The following RUFY4 variants were observed in gnomAD, a reference collection of about 807,000 sequenced individuals.
The protein encoded by RUFY4 is RUN and FYVE domain containing 4.
A neutral mutation model predicts 69.0 loss-of-function variants in RUFY4; 73 were observed. The observed-to-expected ratio is 1.06, with a 90% CI of 0.88 to 1.29. The LOEUF (loss-of-function observed/expected upper bound fraction) is 1.29. Among genes scored for constraint, RUFY4 ranks in the 50% most tolerant of loss-of-function variants. The pLI is 0.00. For synonymous variants in RUFY4, 287 were observed against 271.8 expected, an observed-to-expected ratio of 1.06 and a Z score of -0.55; for missense variants, 770 against 705.6, an observed-to-expected ratio of 1.09 and a Z score of -1.03.
At chr2:218,038,879 C>T (rs1959019024) in intron 2 of RUFY4, among the ~76,000 whole-genome samples, 1 of 152,142 alleles carries the variant, frequency 6.6e-6, no homozygotes, top group Admixed American at 6.5e-5. Flanking sequence ...CTTTCTTTCT[C>T]TTTGGTAGGA....
At chr2:218,074,969 G>A (rs1393596705) in intron 6 of RUFY4, 124 bp from the exon 9 acceptor site, 2 of 1,058,456 alleles carry the variant, frequency 1.9e-6, no homozygotes, top group African/African-American at 3.2e-5. Context: ...AAAGCTTCCA[G>A]TGAGAGGACC....
chr2:218,048,411 A>G (rs1337621032), intron 2 of RUFY4, among the ~76,000 whole-genome samples: 3 of 151,970 alleles, frequency 2.0e-5, no homozygotes, highest in Admixed American at 2.0e-4. Flanking sequence ...TGATAGTTTC[A>G]TTTGCTGTGC....
intron 9 of RUFY4, among the ~76,000 whole-genome samples, chr2:218,084,676 T>C (rs557359343): frequency 4.6e-5 from 7 of 152,306 alleles, no homozygotes; most frequent in Admixed American, 3.9e-4. Flanking sequence ...AAGTGAAGTA[T>C]TGACCTCATG....
At chr2:218,075,110 A>G in exon 7 of RUFY4, 1 of 1,536,756 alleles carries the variant, frequency 6.5e-7, no homozygotes, top group Non-Finnish European at 8.8e-7. Flanking sequence ...CCGCATATGG[A>G]GGGCCTGAAA....
chr2:218,089,175 C>A, intron 9 of RUFY4, 77 bp from the exon 12 acceptor site: 1 of 1,137,408 alleles, frequency 8.8e-7, no homozygotes, highest in Non-Finnish European at 1.3e-6. Context: ...CTCTGTCTCT[C>A]TGTCTGGGTC....
chr2:218,041,232 G>A (rs1688690290), intron 2 of RUFY4, among the ~76,000 whole-genome samples: 2 of 151,934 alleles, frequency 1.3e-5, no homozygotes, highest in East Asian at 1.9e-4. Flanking sequence ...TTCCAACCTG[G>A]ACAGTGACTC....
chr2:218,077,840 G>A (rs1417114411), intron 8 of RUFY4, among the ~76,000 whole-genome samples: 2 of 152,216 alleles, frequency 1.3e-5, no homozygotes, highest in Admixed American at 1.3e-4. Flanking sequence ...GGTCGCAAAG[G>A]TTTCCACGAT....
chr2:218,082,163 A>G (rs192956080), intron 8 of RUFY4, among the ~76,000 whole-genome samples: 1 of 152,358 alleles, frequency 6.6e-6, no homozygotes, highest in Non-Finnish European at 1.5e-5. Context: ...AAAAAGAAAA[A>G]CCAAGAGTGG....
At chr2:218,041,323 G>A (rs1035726658) in intron 2 of RUFY4, among the ~76,000 whole-genome samples, 1 of 152,120 alleles carries the variant, frequency 6.6e-6, no homozygotes, top group Non-Finnish European at 1.5e-5. Context: ...TCTGTATAAT[G>A]TCTAACTAGG....
intron 2 of RUFY4, among the ~76,000 whole-genome samples, chr2:218,050,701 T>G (rs981245319): frequency 3.3e-5 from 5 of 152,232 alleles, no homozygotes; most frequent in Non-Finnish European, 5.9e-5. Context: ...CAGTGTTATA[T>G]TTGTCTCTGC....
chr2:218,041,641 A>C (rs1195349463), intron 2 of RUFY4, among the ~76,000 whole-genome samples: 1 of 152,068 alleles, frequency 6.6e-6, no homozygotes, highest in Non-Finnish European at 1.5e-5. Flanking sequence ...TATTTGGTCT[A>C]TCCTGTTGGG....
At chr2:218,075,775 C>A (rs748124755) in intron 7 of RUFY4, 35 bp downstream of exon 9, 2 of 1,375,218 alleles carry the variant, frequency 1.5e-6, no homozygotes, top group South Asian at 2.4e-5. Context: ...TGGTTATTTG[C>A]CCCTGTCTGA....
intron 2 of RUFY4, among the ~76,000 whole-genome samples, chr2:218,048,115 C>G (rs987936415): frequency 6.6e-6 from 1 of 152,156 alleles, no homozygotes; most frequent in South Asian, 2.1e-4. Context: ...TGCAACCTTG[C>G]CAGCATCTTT....
exon 1 of RUFY4, chr2:218,070,637 C>T (rs1219801790): frequency 8.5e-6 from 13 of 1,537,462 alleles, no homozygotes; most frequent in Non-Finnish European, 1.1e-5. Flanking sequence ...CTCAAGGTCA[C>T]CAAAGACCTA....
chr2:218,057,323 A>G (rs993540920), intron 2 of RUFY4, among the ~76,000 whole-genome samples: 3 of 152,196 alleles, frequency 2.0e-5, no homozygotes, highest in Non-Finnish European at 4.4e-5. Context: ...TTAGAAATTC[A>G]TCTCTAGATT....
At chr2:218,082,448 GT>G (rs1689782816) in intron 8 of RUFY4, among the ~76,000 whole-genome samples, 1 of 152,124 alleles carries the variant, frequency 6.6e-6, no homozygotes, top group South Asian at 2.1e-4. Context: ...AAATGGAAAT[GT>G]TTAAAAACAA....
chr2:218,072,605 G>A, intron 3 of RUFY4, 106 bp downstream of exon 5: 1 of 1,454,416 alleles, frequency 6.9e-7, no homozygotes, highest in Non-Finnish European at 9.1e-7. Context: ...CACCTGCTCT[G>A]CATGTCTCCT....
chr2:218,087,573 C>A (rs943594824), intron 9 of RUFY4, among the ~76,000 whole-genome samples: 3 of 152,000 alleles, frequency 2.0e-5, no homozygotes, highest in Admixed American at 6.6e-5. Context: ...TCATGCCTGT[C>A]ATCCCAGCAC....
At chr2:218,073,684 AG>A in intron 5 of RUFY4, 131 bp from the exon 8 acceptor site, 1 of 932,660 alleles carries the variant, frequency 1.1e-6, no homozygotes, top group East Asian at 2.7e-5. Context: ...GGGATGCATG[AG>A]GGTGGGTGGG....
Sources: gnomAD v4.1 joint callset for allele counts (sites outside exome capture counted in the v4.1 genomes callset) on GRCh38, gnomAD v4.1.1 for gene constraint, MANE v1.5 for transcripts, NCBI Gene and HGNC (gene_info 2026-07-23, HGNC 2026-07-21) for gene names.